Variants in PACSIN1 observed in about 807,000 individuals in gnomAD.
The protein encoded by PACSIN1 is protein kinase C and casein kinase substrate in neurons 1.
In PACSIN1, 15 loss-of-function variants were observed where a neutral mutation model predicts 59.5. That is an observed-to-expected ratio of 0.25 (90% CI 0.17 to 0.39). The LOEUF is 0.39. PACSIN1 is among the 10% of genes least tolerant of loss of function. PACSIN1 has a pLI of 1.00. For synonymous variants in PACSIN1, 210 were observed against 220.6 expected (o/e 0.95, Z 0.42); for missense variants, 420 against 580.2 (o/e 0.72, Z 2.84).
At chr6:34,474,573 T>C (rs1441411319) in intron 1 of PACSIN1, among the ~76,000 whole-genome samples, 1 of 151,986 alleles carries the variant, frequency 6.6e-6, no homozygotes, top group Non-Finnish European at 1.5e-5. Context: ...GTGGATCACC[T>C]GAGGTCAGGG....
chr6:34,528,394 G>C (rs115556929), intron 3 of PACSIN1, among the ~76,000 whole-genome samples: 4,761 of 152,318 alleles, frequency 0.031, 218 homozygotes, highest in African/African-American at 0.1. Context: ...GAGGAGGGAG[G>C]TATGGCCGCA....
chr6:34,530,423 T>C lies in PACSIN1; in HGVS notation c.910-37T>C, dbSNP rs1767571548. ...AGAGGCTGAAAGGTGCCTCAGGGCATAGTCCCCCAGCCTGACTGCTCCACT... is the reference window on the plus strand; with the variant it reads ...AGAGGCTGAAAGGTGCCTCAGGGCACAGTCCCCCAGCCTGACTGCTCCACT... On this transcript the variant is annotated intron_variant, in intron 7 of 9. Coordinates refer to ENST00000244458, the MANE Select transcript of PACSIN1 (RefSeq NM_020804.5). The surrounding 1 kb of genome is among the most constrained non-coding windows in gnomAD (Gnocchi z 4.4). 6.2e-7 allele frequency: 1 copy of C among 1,600,428 alleles called. No homozygotes were observed. The highest frequency in any genetic ancestry group is 8.5e-7 in the Non-Finnish European group (1 of 1,170,750).
rs748671802 is a variant in PACSIN1 at position 34,531,560 on chromosome 6, C to A, written c.1038-40C>A. 3.7e-6 allele frequency: 6 copies of A among 1,600,222 alleles called. No homozygotes were observed. The highest frequency in any genetic ancestry group is 1.7e-5 in the Admixed American group (1 of 59,256). ...AGCGGTTAGCCCTCGGGATGCGGTA[C>A]GGGGAGACATTGAAGCTGGCTCCTT... is the stretch of plus-strand genomic sequence containing the variant. On this transcript the variant is annotated intron_variant, in intron 8 of 9. Coordinates refer to ENST00000244458, the MANE Select transcript of PACSIN1 (RefSeq NM_020804.5). This position sits in a 1 kb window ranked among gnomAD's most constrained non-coding sequence, Gnocchi z 4.4.
chr6:34,472,596 TC>T, intron 1 of PACSIN1, among the ~76,000 whole-genome samples: 1 of 152,324 alleles, frequency 6.6e-6, no homozygotes, highest in South Asian at 2.1e-4. Flanking sequence ...TAAACTCCAT[TC>T]CCCTTAATCT....
In PACSIN1 at chr6:34,532,598, C is replaced by A; in HGVS notation, c.*68C>A. 1 of 816,036 alleles carries A rather than the reference C, an allele frequency of 1.2e-6. No individual in the cohort carries two copies. The highest frequency in any genetic ancestry group is 2.7e-5 in the East Asian group (1 of 36,458). The allele number at this position is 816,036 out of a possible 1,614,324, so 50.5% of individuals were successfully genotyped here. On this transcript the variant is annotated 3_prime_UTR_variant, in exon 10 of 10. Transcript: ENST00000244458. This position sits in a 1 kb window ranked among gnomAD's most constrained non-coding sequence, Gnocchi z 5.2. Reference sequence around the variant, plus strand: ...GCCCCTCCCCTCCCACTCTCGTCTCCTTCCCCTCGCCATAGAGTTCCAGAC... The same window carrying A: ...GCCCCTCCCCTCCCACTCTCGTCTCATTCCCCTCGCCATAGAGTTCCAGAC...
At chr6:34,520,349 G>A (rs1767367665) in intron 1 of PACSIN1, among the ~76,000 whole-genome samples, 1 of 152,226 alleles carries the variant, frequency 6.6e-6, no homozygotes, top group South Asian at 2.1e-4. Flanking sequence ...CTGGGGGATA[G>A]GCAGGCAGCT....
chr6:34,478,694 G>T (rs181565317), intron 1 of PACSIN1, among the ~76,000 whole-genome samples: 57 of 152,276 alleles, frequency 3.7e-4, no homozygotes, highest in African/African-American at 9.9e-4. Context: ...TTAAAGAAAT[G>T]AGTTGGTGCT....
At position 34,529,769 on chromosome 6, in the gene PACSIN1, A is replaced by G. The variant is rs555527565; in HGVS notation, c.716A>G (p.Glu239Gly). 2 of 1,614,120 alleles carry G rather than the reference A, an allele frequency of 1.2e-6. No individual in the cohort carries two copies. Among genetic ancestry groups the G allele is most frequent in the South Asian group, 1.1e-5 (1 of 91,078 alleles). The change falls in exon 6 of 10, where the codon GAA (glutamate) becomes GGA (glycine). Residue 239 changes from glutamate (E) to glycine (G), a missense_variant. Physicochemically the swap from Glu to Gly is moderately conservative, Grantham distance 98. Coordinates refer to ENST00000244458, the MANE Select transcript of PACSIN1 (RefSeq NM_020804.5). The surrounding 1 kb of genome is among the most constrained non-coding windows in gnomAD (Gnocchi z 6.3). ...QVFEQCQQFE[E>G]KRLVFLKEVL... ...TTTGAGCAATGCCAGCAATTTGAGG[A>G]AAAGCGGCTGGTCTTCCTCAAGGAG... is the stretch of plus-strand genomic sequence containing the variant.
At position 34,529,859 on chromosome 6, in the gene PACSIN1, G is replaced by T. The variant is rs1293721012; in HGVS notation, c.788+18G>T. The T allele has an allele frequency of 1.2e-6, 2 of 1,609,270 alleles. No individual in the cohort carries two copies. The highest frequency in any genetic ancestry group is 1.7e-6 in the Non-Finnish European group (2 of 1,177,714). Reference sequence around the variant, plus strand: ...AACAGCAGGTACCTGGGCATGGCAGGCACCGAGGGCACAGGCACAGCCAGC... The same window carrying T: ...AACAGCAGGTACCTGGGCATGGCAGTCACCGAGGGCACAGGCACAGCCAGC... On this transcript the variant is annotated intron_variant, in intron 6 of 9. Coordinates refer to ENST00000244458, the MANE Select transcript of PACSIN1 (RefSeq NM_020804.5). The surrounding 1 kb of genome is among the most constrained non-coding windows in gnomAD (Gnocchi z 6.3).
chr6:34,515,867 G>A lies in PACSIN1; in HGVS notation c.-63-10376G>A, dbSNP rs942494191. Among the ~76,000 whole-genome samples the A allele has an allele frequency of 3.9e-5, 6 of 152,088 alleles. No individual in the cohort carries two copies. Among genetic ancestry groups the A allele is most frequent in the African/African-American group, 9.7e-5 (4 of 41,398 alleles). The stretch of plus-strand genomic sequence containing the variant: ...GGGAGCTCTTGGGCACTGCCACTGC[G>A]GAGGAGCCTCTGCCAGCTGCTCAGG... On this transcript the variant is annotated intron_variant, in intron 1 of 9. Coordinates refer to ENST00000244458, the MANE Select transcript of PACSIN1 (RefSeq NM_020804.5). The surrounding 1 kb of genome is among the most constrained non-coding windows in gnomAD (Gnocchi z 4.4).
rs981078943 is a variant in PACSIN1 at position 34,518,352 on chromosome 6, C to G, written c.-63-7891C>G. 2.0e-5 allele frequency among the ~76,000 whole-genome samples: 3 copies of G among 152,208 alleles called. No homozygotes were observed. Among genetic ancestry groups the G allele is most frequent in the Non-Finnish European group, 1.5e-5 (1 of 68,046 alleles). On this transcript the variant is annotated intron_variant, in intron 1 of 9. Transcript: ENST00000244458. The surrounding 1 kb of genome is among the most constrained non-coding windows in gnomAD (Gnocchi z 4.4). ...AGGCAGTGGGCTCAGGACAGACAGA[C>G]GGACCCCTGCAGAGTGGCCAAGTGT... is the stretch of plus-strand genomic sequence containing the variant.
chr6:34,527,595 C>A, intron 3 of PACSIN1, 107 bp downstream of exon 3: 1 of 1,013,040 alleles, frequency 9.9e-7, no homozygotes. Context: ...CTCCATCTAC[C>A]AGACACAGGA....
At position 34,481,354 on chromosome 6, in the gene PACSIN1, A is replaced by T. The variant is rs192356919; in HGVS notation, c.-64+15084A>T. Among the ~76,000 whole-genome samples, 164 of 152,238 alleles carry T rather than the reference A, an allele frequency of 1.1e-3. 1 individual carries two copies. Among genetic ancestry groups the T allele is most frequent in the African/African-American group, 3.8e-3 (157 of 41,538 alleles). ...TGCAAGCCACCGCGCCTGGCTTCTG[A>T]CATCTTTTTCATACGTTCACACGGG... On this transcript the variant is annotated intron_variant, in intron 1 of 9. Coordinates refer to ENST00000244458, the MANE Select transcript of PACSIN1 (RefSeq NM_020804.5).
chr6:34,498,355 C>T (rs1001232440), intron 1 of PACSIN1, among the ~76,000 whole-genome samples: 4 of 152,082 alleles, frequency 2.6e-5, no homozygotes, highest in African/African-American at 4.8e-5. Flanking sequence ...CCACCGCGCC[C>T]GGCCCTTTTG....
intron 1 of PACSIN1, among the ~76,000 whole-genome samples, chr6:34,520,128 G>A (rs1186744546): frequency 4.6e-5 from 7 of 152,070 alleles, no homozygotes; most frequent in Non-Finnish European, 7.4e-5. Context: ...CCTGGGTTGT[G>A]GGGAGACATG....
intron 1 of PACSIN1, among the ~76,000 whole-genome samples, chr6:34,482,364 G>T (rs1231058211): frequency 1.3e-5 from 2 of 152,090 alleles, no homozygotes; most frequent in East Asian, 3.9e-4. Flanking sequence ...GGGATTACAG[G>T]TGTGAGCCAC....
intron 1 of PACSIN1, among the ~76,000 whole-genome samples, chr6:34,470,773 A>G (rs1244619141): frequency 6.6e-6 from 1 of 152,076 alleles, no homozygotes; most frequent in Non-Finnish European, 1.5e-5. Flanking sequence ...TTCTATATAA[A>G]ATGCAGCATA....
chr6:34,532,380 C>A lies in PACSIN1; in HGVS notation c.1226-41C>A. The A allele has an allele frequency of 7.4e-7, 1 of 1,359,092 alleles. No homozygotes were observed. 84.2% of individuals were successfully genotyped at this position (1,359,092 alleles called of 1,614,324 possible). On this transcript the variant is annotated intron_variant, in intron 9 of 9. Transcript: ENST00000244458. This position sits in a 1 kb window ranked among gnomAD's most constrained non-coding sequence, Gnocchi z 5.2. ...AGCAGCCGGTGCGTTGAGGGAGGGG[C>A]AGCCTTCTCTCTGAGCCCCTCCCTG...
At position 34,479,665 on chromosome 6, in the gene PACSIN1, G is replaced by T. The variant is rs914165251; in HGVS notation, c.-64+13395G>T. ...GAGATGGGGATTCCCTCTGTTGCCCGGGCTGGACTTGAACTCCTGGGCTCA... is the reference window on the plus strand; with the variant it reads ...GAGATGGGGATTCCCTCTGTTGCCCTGGCTGGACTTGAACTCCTGGGCTCA... On this transcript the variant is annotated intron_variant, in intron 1 of 9. Transcript: ENST00000244458. Among the ~76,000 whole-genome samples the T allele has an allele frequency of 2.6e-5, 4 of 151,506 alleles. No individual in the cohort carries two copies. In the East Asian group the frequency reaches 7.8e-4, roughly 29 times the overall value.
Sources: gnomAD v4.1 joint callset for allele counts (sites outside exome capture counted in the v4.1 genomes callset) on GRCh38, gnomAD v4.1.1 for gene constraint, Gnocchi (gnomAD v3.1) non-coding constraint, MANE v1.5 for transcripts, NCBI Gene and HGNC (gene_info 2026-07-23, HGNC 2026-07-21) for gene names.